Variants in ZMAT1 observed in about 807,000 individuals in gnomAD.
ZMAT1 encodes the protein zinc finger matrin-type 1.
A neutral mutation model predicts 18.5 loss-of-function variants in ZMAT1; 11 were observed. The observed-to-expected ratio is 0.59, with a 90% CI of 0.37 to 0.98. The LOEUF (loss-of-function observed/expected upper bound fraction) is 0.98, where lower values mean the gene tolerates loss of function less well. Ranked by LOEUF, ZMAT1 falls within the 50% of genes least tolerant of loss-of-function variation. The pLI is 0.01. For synonymous variants in ZMAT1, 211 were observed against 176.4 expected, an observed-to-expected ratio of 1.20 and a Z score of -1.55; for missense variants, 525 against 496.2, an observed-to-expected ratio of 1.06 and a Z score of -0.55.
Position 101,904,274 on chromosome X carries a change from C to T in ZMAT1, c.349G>A (p.Val117Ile), listed in dbSNP as rs1303940746. ...TCAAACTGTAGCATCACTCCACATA[C>T]TTGACAAAACTTATCTGTAAAAAGT... is the stretch of plus-strand genomic sequence containing the variant. ...AELFTDKFCQ[V>I]CGVMLQFESQ... Residue 117 changes from valine to isoleucine, a missense_variant, in exon 2 of 6, where the codon GTA becomes ATA. Physicochemically the swap from Val to Ile is conservative, Grantham distance 29. Coordinates refer to ENST00000651725, the MANE Select transcript of ZMAT1 (RefSeq NM_001394560.1). The T allele has an allele frequency of 3.3e-6, 4 of 1,206,687 alleles. No individual in the cohort carries two copies. The highest frequency in any genetic ancestry group is 4.5e-6 in the Non-Finnish European group (4 of 893,913).
intron 2 of ZMAT1, among the ~76,000 whole-genome samples, chrX:101,901,321 C>A (rs1015203597): frequency 7.2e-5 from 8 of 110,927 alleles, no homozygotes; most frequent in Non-Finnish European, 1.5e-4. Context: ...TCTGATTGCT[C>A]TGGTTAGGAA....
chrX:101,927,833 C>T (rs1357340746), intron 1 of ZMAT1, among the ~76,000 whole-genome samples: 1 of 112,009 alleles, frequency 8.9e-6, no homozygotes, highest in Admixed American at 9.5e-5. Context: ...AGTTTTTATC[C>T]TAACTGATAT....
At chrX:101,899,766 C>T (rs1412702139) in intron 2 of ZMAT1, among the ~76,000 whole-genome samples, 7 of 112,093 alleles carry the variant, frequency 6.2e-5, no homozygotes, top group South Asian at 3.7e-4. Flanking sequence ...TATAAATATG[C>T]GTGTGCAAGC....
chrX:101,921,272 G>A (rs780115073), intron 1 of ZMAT1, among the ~76,000 whole-genome samples: 5 of 111,588 alleles, frequency 4.5e-5, no homozygotes, highest in South Asian at 3.8e-4. Flanking sequence ...CTCTGAGAGC[G>A]GTTCCCAGTC....
chrX:101,929,633 A>AAG (rs1569444216), intron 1 of ZMAT1, among the ~76,000 whole-genome samples: 1 of 110,011 alleles, frequency 9.1e-6, no homozygotes, highest in African/African-American at 3.3e-5. Flanking sequence ...ATGAAATGGT[A>AAG]AGAGAGAATT....
chrX:101,895,991 C>A, intron 4 of ZMAT1: 1 of 269,088 alleles, frequency 3.7e-6, no homozygotes, highest in Non-Finnish European at 5.1e-6. Context: ...ACTCCCTGGA[C>A]TTTTTTTTTC....
chrX:101,911,549 G>A (rs1050333095), intron 1 of ZMAT1: 51 of 1,110,397 alleles, frequency 4.6e-5, no homozygotes, highest in African/African-American at 9.1e-5. Flanking sequence ...CAACAACAGC[G>A]AATCCACACA....
At chrX:101,905,221 C>G (rs1928528177) in intron 1 of ZMAT1, among the ~76,000 whole-genome samples, 1 of 111,980 alleles carries the variant, frequency 8.9e-6, no homozygotes, top group African/African-American at 3.3e-5. Flanking sequence ...CACTAGCCTA[C>G]TAATGTGGCC....
rs1008674334 is a variant in ZMAT1, at chrX:101,882,361, C to A, written c.*1149G>T. ...ACCTTATATCAGTACTTTTTGAGAC[C>A]GTTTTAAAACTATATATCATCTAAG... On this transcript the variant is annotated 3_prime_UTR_variant, in exon 6 of 6. Transcript: ENST00000651725. 1 of 111,263 alleles carries A rather than the reference C, an allele frequency of 9.0e-6. No individual in the cohort carries two copies. The highest frequency in any genetic ancestry group is 9.6e-5 in the Admixed American group (1 of 10,421). 9.2% of individuals were successfully genotyped at this position (111,263 alleles called of 1,213,427 possible).
Position 101,884,060 on chromosome X carries a change from T to C in ZMAT1, c.1538A>G (p.Tyr513Cys). 8.3e-7 allele frequency: 1 copy of C among 1,210,059 alleles called. No homozygotes were observed. The highest frequency in any genetic ancestry group is 1.1e-6 in the Non-Finnish European group (1 of 895,248). The change falls in exon 6 of 6, where the codon TAT becomes TGT. Residue 513 changes from tyrosine (Y) to cysteine (C), a missense_variant. Tyr to Cys is a radical substitution (Grantham distance 194). Coordinates refer to ENST00000651725, the MANE Select transcript of ZMAT1 (RefSeq NM_001394560.1). ...GTTTTCCACTACTTGTGAAATACTA[T>C]ATGGTCCTGAATAGGTCTGGAAAGT... The part of the protein sequence containing the change: ...CETFQTYSGP[Y>C]SISQVVENQL...
intron 4 of ZMAT1, among the ~76,000 whole-genome samples, chrX:101,895,610 G>C (rs1218157462): frequency 9.0e-6 from 1 of 110,619 alleles, no homozygotes; most frequent in Non-Finnish European, 1.9e-5. Context: ...ATTTGATTTT[G>C]CTGGAAGAGA....
At chrX:101,911,605 C>G in intron 1 of ZMAT1, 1 of 1,178,863 alleles carries the variant, frequency 8.5e-7, no homozygotes, top group Non-Finnish European at 1.2e-6. Context: ...GGCATTCAGT[C>G]ACAGCTTGTC....
intron 5 of ZMAT1, among the ~76,000 whole-genome samples, chrX:101,886,208 A>C (rs976840698): frequency 3.6e-5 from 4 of 111,821 alleles, no homozygotes; most frequent in Admixed American, 9.5e-5. Flanking sequence ...TGGTAGAAAA[A>C]TGGATCTGGT....
chrX:101,884,248 T>G lies in ZMAT1; in HGVS notation c.1350A>C (p.Gln450His). The G allele has an allele frequency of 8.3e-7, 1 of 1,211,106 alleles. No homozygotes were observed. The highest frequency in any genetic ancestry group is 1.1e-6 in the Non-Finnish European group (1 of 895,117). ...CTTTTATGTAATCTTCAAGTTCATC[T>G]TGGAAAGAATCATATGTCCTCTTTG... ...THSKRTYDSF[Q>H]DELEDYIKVQ... The change falls in exon 6 of 6, where the codon CAA becomes CAC. Residue 450 changes from glutamine to histidine, a missense_variant. Coordinates refer to ENST00000651725, the MANE Select transcript of ZMAT1 (RefSeq NM_001394560.1).
In ZMAT1 at chrX:101,929,456, T is replaced by TAC. The variant is rs1556312126; in HGVS notation, c.292+2259_292+2260dup. ...ATATATATATATATATATATATATA[T>TAC]ACACACAGAGAGAGAGAGAGAGAGA... is the stretch of plus-strand genomic sequence containing the variant. On this transcript the variant is annotated intron_variant, in intron 1 of 5. Transcript: ENST00000651725. Among the ~76,000 whole-genome samples the TAC allele has an allele frequency of 3.6e-3, 309 of 85,414 alleles. 2 individuals are homozygous for TAC. The highest frequency in any genetic ancestry group is 4.9e-3 in the Non-Finnish European group (217 of 44,660). The allele number at this position is 85,414 out of a possible 115,157, so 74.2% of individuals were successfully genotyped here. A position where few individuals can be genotyped will look rare whatever the true frequency, so the allele number is the denominator to read the frequency against.
chrX:101,919,749 A>T (rs1011012139), intron 1 of ZMAT1, among the ~76,000 whole-genome samples: 1 of 111,697 alleles, frequency 9.0e-6, no homozygotes, highest in Non-Finnish European at 1.9e-5. Context: ...GTGGAATGAA[A>T]GTATTTCAGG....
chrX:101,920,825 G>A (rs1213523248), intron 1 of ZMAT1, among the ~76,000 whole-genome samples: 1 of 111,099 alleles, frequency 9.0e-6, no homozygotes, highest in Non-Finnish European at 1.9e-5. Flanking sequence ...AGTATCTGTG[G>A]GTGGTTCAAT....
intron 2 of ZMAT1, 75 bp from the exon 3 acceptor site, chrX:101,898,295 G>A (rs935076461): frequency 1.1e-6 from 1 of 886,874 alleles, no homozygotes; most frequent in African/African-American, 2.0e-5. Flanking sequence ...CTGAATTTGA[G>A]GATGGCATTC....
At chrX:101,924,884 TAC>T (rs1050262214) in intron 1 of ZMAT1, among the ~76,000 whole-genome samples, 1 of 112,066 alleles carries the variant, frequency 8.9e-6, no homozygotes, top group Non-Finnish European at 1.9e-5. Flanking sequence ...GACCTATACG[TAC>T]AGAGTTTCAA....
Sources: gnomAD v4.1 joint callset for allele counts (sites outside exome capture counted in the v4.1 genomes callset) on GRCh38, gnomAD v4.1.1 for gene constraint, MANE v1.5 for transcripts, NCBI Gene and HGNC (gene_info 2026-07-23, HGNC 2026-07-21) for gene names.